The following PALLD variants were observed in gnomAD, a reference collection of about 807,000 sequenced individuals.
PALLD encodes palladin.
In PALLD, 61 loss-of-function variants were observed where a neutral mutation model predicts 123.5. That is an observed-to-expected ratio of 0.49 (90% CI 0.40 to 0.61). The LOEUF is 0.61. PALLD is among the 20% of genes least tolerant of loss of function. PALLD has a pLI of 0.00. For missense variants in PALLD, 1,273 were observed against 1,377.0 expected, an observed-to-expected ratio of 0.92 and a Z score of 1.20; for synonymous variants, 465 against 496.4, an observed-to-expected ratio of 0.94 and a Z score of 0.84.
chr4:168,760,444 C>A (rs573280015), intron 10 of PALLD, among the ~76,000 whole-genome samples: 3 of 152,266 alleles, frequency 2.0e-5, no homozygotes, highest in African/African-American at 7.2e-5. Flanking sequence ...TTCTGATTTT[C>A]ATTTGCCCCC....
chr4:168,853,956 G>A (rs1748194074), intron 10 of PALLD, among the ~76,000 whole-genome samples: 1 of 152,114 alleles, frequency 6.6e-6, no homozygotes, highest in Non-Finnish European at 1.5e-5. Flanking sequence ...CAGGGATGGT[G>A]CCACTGACTA....
chr4:168,860,474 G>C (rs1749300857), intron 10 of PALLD, among the ~76,000 whole-genome samples: 4 of 152,234 alleles, frequency 2.6e-5, no homozygotes, highest in Admixed American at 2.6e-4. Context: ...CACTCCAATA[G>C]TTGAGTGAGT....
At chr4:168,754,027 A>G (rs1208400469) in intron 10 of PALLD, among the ~76,000 whole-genome samples, 1 of 152,256 alleles carries the variant, frequency 6.6e-6, no homozygotes, top group Non-Finnish European at 1.5e-5. Flanking sequence ...CAAATACTTT[A>G]AAAGAAAAGT....
chr4:168,818,728 A>G (rs1742308065), intron 10 of PALLD, among the ~76,000 whole-genome samples: 1 of 152,242 alleles, frequency 6.6e-6, no homozygotes, highest in African/African-American at 2.4e-5. Flanking sequence ...TTATAATTTC[A>G]AAACAAAAAA....
rs1002022068 is a variant in PALLD at position 168,878,320 on chromosome 4, C to T, written c.1965-12602C>T. The T allele has an allele frequency of 3.0e-5, 45 of 1,525,416 alleles. No homozygotes were observed. The highest frequency in any genetic ancestry group is 3.8e-5 in the Non-Finnish European group (44 of 1,143,010). The allele number at this position is 1,525,416 out of a possible 1,614,324, so 94.5% of individuals were successfully genotyped here. The stretch of plus-strand genomic sequence containing the variant: ...ACAGCCAGACGCCCGCGGCCTTCCT[C>T]AGCGCTCTGCTGCCCTCGCAGCCGC... On this transcript the variant is annotated intron_variant, in intron 10 of 21. Transcript: ENST00000505667.
At chr4:168,529,339 GAA>G (rs1209143641) in intron 2 of PALLD, among the ~76,000 whole-genome samples, 1 of 139,572 alleles carries the variant, frequency 7.2e-6, no homozygotes, top group African/African-American at 2.6e-5. Context: ...TCTGTCTCGA[GAA>G]AAAAAAAAAA....
chr4:168,840,337 G>A (rs749522160), intron 10 of PALLD, among the ~76,000 whole-genome samples: 5 of 152,278 alleles, frequency 3.3e-5, no homozygotes, highest in Non-Finnish European at 7.3e-5. Context: ...GCAAGAGAGA[G>A]AGTGATATAC....
At chr4:168,764,504 A>G (rs1471942275) in intron 10 of PALLD, among the ~76,000 whole-genome samples, 1 of 152,024 alleles carries the variant, frequency 6.6e-6, no homozygotes, top group African/African-American at 2.4e-5. Context: ...TACGGCCTCA[A>G]ATTCCTGGGC....
At chr4:168,795,552 G>C (rs1297317393) in intron 10 of PALLD, among the ~76,000 whole-genome samples, 2 of 152,142 alleles carry the variant, frequency 1.3e-5, no homozygotes. Flanking sequence ...TCCTGAAAAA[G>C]TTCAATGATT....
chr4:168,664,785 A>C (rs1019616226), intron 2 of PALLD, among the ~76,000 whole-genome samples: 1 of 151,990 alleles, frequency 6.6e-6, no homozygotes, highest in South Asian at 2.1e-4. Context: ...AAAAAAAAAA[A>C]AACCCTGCAA....
At position 168,793,339 on chromosome 4, in the gene PALLD, G is replaced by A. The variant is rs1196910313; in HGVS notation, c.1964+81416G>A. Among the ~76,000 whole-genome samples, 2 of 89,568 alleles carry A rather than the reference G, an allele frequency of 2.2e-5. 1 individual carries two copies. Among genetic ancestry groups the A allele is most frequent in the Admixed American group, 2.1e-4 (2 of 9,436 alleles). 58.8% of individuals were successfully genotyped at this position (89,568 alleles called of 152,430 possible). A position where few individuals can be genotyped will look rare whatever the true frequency, so the allele number is the denominator to read the frequency against. On this transcript the variant is annotated intron_variant, in intron 10 of 21. Coordinates refer to ENST00000505667, the MANE Select transcript of PALLD (RefSeq NM_001166108.2). ...TGTGTGCATATATATACATATATAT[G>A]TGTGCATATATATACATATATGTGT... is the stretch of plus-strand genomic sequence containing the variant.
intron 2 of PALLD, among the ~76,000 whole-genome samples, chr4:168,634,907 C>A (rs1430932631): frequency 6.6e-6 from 1 of 152,136 alleles, no homozygotes; most frequent in Admixed American, 6.5e-5. Context: ...GCTGTACTCC[C>A]TATTTATTAT....
intron 2 of PALLD, among the ~76,000 whole-genome samples, chr4:168,660,829 A>T (rs1289378794): frequency 2.0e-5 from 3 of 152,178 alleles, no homozygotes; most frequent in African/African-American, 7.2e-5. Context: ...AAAGAAACTT[A>T]ATCTGTAAGT....
intron 9 of PALLD, among the ~76,000 whole-genome samples, chr4:168,710,825 G>A (rs1784766203): frequency 1.3e-5 from 2 of 152,124 alleles, no homozygotes; most frequent in South Asian, 4.1e-4. Flanking sequence ...AGTCTGAGTG[G>A]CAAAAATTTG....
chr4:168,600,617 G>C (rs1375673755), intron 2 of PALLD, among the ~76,000 whole-genome samples: 5 of 152,046 alleles, frequency 3.3e-5, no homozygotes, highest in Non-Finnish European at 7.4e-5. Context: ...GGAAAAACAT[G>C]AACCCAGAAT....
intron 10 of PALLD, among the ~76,000 whole-genome samples, chr4:168,741,689 C>T (rs539713452): frequency 2.8e-4 from 42 of 150,984 alleles, no homozygotes; most frequent in Non-Finnish European, 5.3e-4. Context: ...ATCTCAAAAA[C>T]AAAAAACAAA....
intron 6 of PALLD, among the ~76,000 whole-genome samples, chr4:168,685,995 A>G (rs1394457371): frequency 1.3e-5 from 2 of 152,058 alleles, no homozygotes; most frequent in African/African-American, 4.8e-5. Context: ...GCTTCCATAT[A>G]GCATTTCTTC....
intron 2 of PALLD, among the ~76,000 whole-genome samples, chr4:168,541,417 T>C (rs1460667062): frequency 6.6e-6 from 1 of 152,024 alleles, no homozygotes; most frequent in East Asian, 1.9e-4. Context: ...GGGAATTGGG[T>C]TGTATTTATT....
At position 168,877,939 on chromosome 4, in the gene PALLD, C is replaced by G. The variant is rs1158810830; in HGVS notation, c.1965-12983C>G. ...CCGCCCCCGCCATGCAGTCCTCCGG[C>G]TCCTTCAACTACGCGCGCCCCAAGC... On this transcript the variant is annotated intron_variant, in intron 10 of 21. Coordinates refer to ENST00000505667, the MANE Select transcript of PALLD (RefSeq NM_001166108.2). 1.3e-6 allele frequency: 2 copies of G among 1,498,734 alleles called. No individual in the cohort carries two copies. Among genetic ancestry groups the G allele is most frequent in the African/African-American group, 1.5e-5 (1 of 68,802 alleles). 92.8% of individuals were successfully genotyped at this position (1,498,734 alleles called of 1,614,324 possible). A position where few individuals can be genotyped will look rare whatever the true frequency, so the allele number is the denominator to read the frequency against.
Sources: gnomAD v4.1 joint callset for allele counts (sites outside exome capture counted in the v4.1 genomes callset) on GRCh38, gnomAD v4.1.1 for gene constraint, MANE v1.5 for transcripts, NCBI Gene and HGNC (gene_info 2026-07-23, HGNC 2026-07-21) for gene names.